Variants in UNC93B1 observed in about 807,000 individuals in gnomAD.
UNC93B1 encodes unc-93B1 regulator of TLR signaling.
A neutral mutation model predicts 56.8 loss-of-function variants in UNC93B1; 33 were observed. That is an observed-to-expected ratio of 0.58 (90% CI 0.44 to 0.78). The LOEUF is 0.78. Ranked by LOEUF, UNC93B1 falls within the 30% of genes least tolerant of loss-of-function variation. The pLI, the probability that UNC93B1 is intolerant of heterozygous loss-of-function variation, is 0.00. For synonymous variants in UNC93B1, 334 were observed against 358.6 expected (o/e 0.93, Z 0.77); for missense variants, 673 against 819.5 (o/e 0.82, Z 2.18).
chr11:67,992,089 C>T (rs1408039332), intron 10 of UNC93B1, among the ~76,000 whole-genome samples: 1 of 152,262 alleles, frequency 6.6e-6, no homozygotes, highest in East Asian at 1.9e-4. Flanking sequence ...CTCAGTGTCC[C>T]ACACTGTAAG....
rs748654915 is a variant in UNC93B1, at chr11:67,999,241, G to A, written c.619C>T (p.Arg207Trp). ...KEQDGQGMKQ[R>W]PPRGSHAPYL... ...GGCGCGTGGGAGCCCCGCGGAGGCCGCTGCTTCATCCCCTGCCCATCCTGC... is the reference window on the plus strand; with the variant it reads ...GGCGCGTGGGAGCCCCGCGGAGGCCACTGCTTCATCCCCTGCCCATCCTGC... Residue 207 changes from arginine to tryptophan, a missense_variant, in exon 5 of 11, where the codon CGG becomes TGG. This residue lies in a region of UNC93B1 where 438 missense variants were observed against 465.9 expected (regional missense o/e 0.94). Coordinates refer to ENST00000227471, the MANE Select transcript of UNC93B1 (RefSeq NM_030930.4). 3.7e-6 allele frequency: 6 copies of A among 1,613,798 alleles called. No individual in the cohort carries two copies. The highest frequency in any genetic ancestry group is 2.7e-5 in the African/African-American group (2 of 74,944).
In UNC93B1 at chr11:67,996,797, T is replaced by C; in HGVS notation, c.907-13A>G. On this transcript the variant is annotated splice_polypyrimidine_tract_variant and intron_variant, in intron 7 of 10. Coordinates refer to ENST00000227471, the MANE Select transcript of UNC93B1 (RefSeq NM_030930.4). ...ACAAACCCAGCACCTGCGAACCCAT[T>C]ACTTGAAGGGGCGGCCAGCCAGGCC... 1 of 1,529,260 alleles carries C rather than the reference T, an allele frequency of 6.5e-7. No individual in the cohort carries two copies. Among genetic ancestry groups the C allele is most frequent in the Admixed American group, 2.0e-5 (1 of 50,676 alleles). The allele number at this position is 1,529,260 out of a possible 1,614,324, so 94.7% of individuals were successfully genotyped here.
intron 3 of UNC93B1, among the ~76,000 whole-genome samples, chr11:68,001,898 C>A (rs922338692): frequency 2.0e-5 from 3 of 152,050 alleles, no homozygotes; most frequent in Admixed American, 2.0e-4. Flanking sequence ...AATCCCAGCA[C>A]TTTGGGAGGC....
At chr11:67,998,555 G>A in intron 5 of UNC93B1, 103 bp from the exon 6 acceptor site, 1 of 1,166,680 alleles carries the variant, frequency 8.6e-7, no homozygotes, top group East Asian at 2.4e-5. Context: ...GGGGGAACAG[G>A]GGCCTTCCCA....
intron 10 of UNC93B1, among the ~76,000 whole-genome samples, chr11:67,992,341 G>A (rs1024218473): frequency 1.3e-3 from 192 of 152,030 alleles, no homozygotes; most frequent in Admixed American, 5.4e-3. Context: ...TTCCAGACAC[G>A]GTCGCTCCGT....
In UNC93B1 at chr11:67,999,592, G is replaced by A. The variant is rs1265299699; in HGVS notation, c.481C>T (p.Leu161Phe). 1.2e-6 allele frequency: 2 copies of A among 1,602,140 alleles called. No homozygotes were observed. Among genetic ancestry groups the A allele is most frequent in the African/African-American group, 2.7e-5 (2 of 74,690 alleles). The change falls in exon 4 of 11, where the codon CTT (leucine) becomes TTT (phenylalanine). Residue 161 changes from leucine (L) to phenylalanine (F), a missense_variant. By Grantham distance (22) the Leu-to-Phe change is conservative. Around this residue, in one of 3 missense-constraint regions of UNC93B1, gnomAD observed 438 missense variants for 465.9 expected, o/e 0.94. Transcript: ENST00000227471. ...STNYWERYYT[L>F]VPSAVALGMA... is the part of the protein sequence containing the mutation. ...CCCAGGGCCACAGCCGAGGGCACAAGCGTGTAGTAGCGCTCCCAGTAGTTG... is the reference window on the plus strand; with the variant it reads ...CCCAGGGCCACAGCCGAGGGCACAAACGTGTAGTAGCGCTCCCAGTAGTTG...
Position 67,994,560 on chromosome 11 carries a change from C to A in UNC93B1, c.1364-766G>T, listed in dbSNP as rs375464685. Reference sequence around the variant, plus strand: ...AGTGCTGCTATGAAGAGACAAGGACCCCCCGGGGTTCACCGGAGGAGATGG... The same window carrying A: ...AGTGCTGCTATGAAGAGACAAGGACACCCCGGGGTTCACCGGAGGAGATGG... On this transcript the variant is annotated intron_variant, in intron 9 of 10. Coordinates refer to ENST00000227471, the MANE Select transcript of UNC93B1 (RefSeq NM_030930.4). 4.6e-5 allele frequency among the ~76,000 whole-genome samples: 7 copies of A among 152,222 alleles called. No individual in the cohort carries two copies. In the South Asian group the frequency reaches 1.5e-3, roughly 32 times the overall value.
chr11:67,991,645 C>T lies in UNC93B1; in HGVS notation c.1695G>A (p.Pro565=), dbSNP rs770189598. The change falls in exon 11 of 11, where the codon CCG becomes CCA. Residue 565 remains proline, a synonymous_variant. Transcript: ENST00000227471. ...EHGDGAEEEA[P]PAGPRPGPEP... ...CGGGGCCAGGCCTGGGCCCTGCGGG[C>T]GGCGCCTCCTCCTCCGCGCCGTCCC... is the stretch of plus-strand genomic sequence containing the variant. The T allele has an allele frequency of 3.3e-6, 5 of 1,522,634 alleles. No individual in the cohort carries two copies. Among genetic ancestry groups the T allele is most frequent in the South Asian group, 1.2e-5 (1 of 82,788 alleles). The allele number at this position is 1,522,634 out of a possible 1,614,324, so 94.3% of individuals were successfully genotyped here.
intron 6 of UNC93B1, among the ~76,000 whole-genome samples, 164 bp downstream of exon 6, chr11:67,998,195 G>A (rs1306649708): frequency 6.6e-6 from 1 of 152,218 alleles, no homozygotes; most frequent in African/African-American, 2.4e-5. Flanking sequence ...TCCTGGCTGG[G>A]TCAGATGTCC....
Position 68,003,558 on chromosome 11 carries a change from G to C in UNC93B1, c.238+99C>G. The C allele has an allele frequency of 2.1e-6, 3 of 1,436,916 alleles. No individual in the cohort carries two copies. The highest frequency in any genetic ancestry group is 2.4e-5 in the Admixed American group (1 of 41,352). The allele number at this position is 1,436,916 out of a possible 1,614,324, so 89.0% of individuals were successfully genotyped here. A position where few individuals can be genotyped will look rare whatever the true frequency, so the allele number is the denominator to read the frequency against. Reference sequence around the variant, plus strand: ...GCTGCAGCTGCGAGGGCAGCGGAGGGGAAGTGAGAGCGGGCGGGAGGCGGC... The same window carrying C: ...GCTGCAGCTGCGAGGGCAGCGGAGGCGAAGTGAGAGCGGGCGGGAGGCGGC... On this transcript the variant is annotated intron_variant, in intron 2 of 10. Coordinates refer to ENST00000227471, the MANE Select transcript of UNC93B1 (RefSeq NM_030930.4). The surrounding 1 kb of genome is among the most constrained non-coding windows in gnomAD (Gnocchi z 4.4).
rs767277764 is a variant in UNC93B1, at chr11:67,998,344, C to T, written c.781+15G>A. 6.2e-7 allele frequency: 1 copy of T among 1,613,800 alleles called. No individual in the cohort carries two copies. The highest frequency in any genetic ancestry group is 8.5e-7 in the Non-Finnish European group (1 of 1,179,820). ...GGCTTTGTGGACTCCTCCCCAACCC[C>T]CAACAAGGACTAACCGCAGCTCTGC... On this transcript the variant is annotated intron_variant, in intron 6 of 10. Transcript: ENST00000227471.
chr11:68,001,481 G>A (rs904010928), intron 3 of UNC93B1, among the ~76,000 whole-genome samples: 12 of 151,830 alleles, frequency 7.9e-5, no homozygotes, highest in South Asian at 4.2e-4. Flanking sequence ...ACTCCCCATC[G>A]CTACAAATAC....
chr11:67,996,348 C>T (rs1306796365), intron 8 of UNC93B1, among the ~76,000 whole-genome samples: 1 of 152,034 alleles, frequency 6.6e-6, no homozygotes, highest in Non-Finnish European at 1.5e-5. Context: ...CCCTAGACAC[C>T]GTGGGCTGTA....
chr11:67,999,830 G>A (rs1857016726), intron 3 of UNC93B1, 150 bp from the exon 4 acceptor site: 10 of 1,156,616 alleles, frequency 8.6e-6, no homozygotes, highest in Non-Finnish European at 1.2e-5. Context: ...CAGATACACA[G>A]ACTTGCTGAG....
At chr11:67,996,851 C>G in intron 7 of UNC93B1, 67 bp from the exon 8 acceptor site, 16 of 1,443,868 alleles carry the variant, frequency 1.1e-5, no homozygotes, top group Non-Finnish European at 1.5e-5. Context: ...TTCAGCCCCG[C>G]CCTTCAGATG....
chr11:67,998,509 C>A (rs757022301), intron 5 of UNC93B1, 57 bp from the exon 6 acceptor site: 182 of 1,568,582 alleles, frequency 1.2e-4, no homozygotes, highest in Non-Finnish European at 1.5e-4. Flanking sequence ...GCAAGGGACA[C>A]AGGCATGGTC....
chr11:67,999,396 G>T (rs1857006822), intron 4 of UNC93B1, 91 bp from the exon 5 acceptor site: 1 of 1,551,280 alleles, frequency 6.4e-7, no homozygotes, highest in Non-Finnish European at 8.7e-7. Flanking sequence ...ACCAGCCCCG[G>T]TGTGGGGAAA....
In UNC93B1 at chr11:68,003,053, C is replaced by T. The variant is rs909015658; in HGVS notation, c.361G>A (p.Ala121Thr). ...AGCACAGGTGTGTAGAGCAGGGCGG[C>T]GATGGGAGTCACGTTGATGCCCATC... Reference protein sequence around the residue: ...MLMGINVTPIAALLYTPVLIR... With the variant: ...MLMGINVTPITALLYTPVLIR... The change falls in exon 3 of 11, where the codon GCC becomes ACC. Residue 121 changes from alanine to threonine, a missense_variant. Physicochemically the swap from Ala to Thr is moderately conservative, Grantham distance 58. Coordinates refer to ENST00000227471, the MANE Select transcript of UNC93B1 (RefSeq NM_030930.4). The surrounding 1 kb of genome is among the most constrained non-coding windows in gnomAD (Gnocchi z 4.4). The T allele has an allele frequency of 2.5e-6, 4 of 1,612,326 alleles. No individual in the cohort carries two copies. The highest frequency in any genetic ancestry group is 1.3e-5 in the African/African-American group (1 of 74,726).
chr11:67,998,470 G>A lies in UNC93B1; in HGVS notation c.688-18C>T. 6.2e-7 allele frequency: 1 copy of A among 1,613,376 alleles called. No individual in the cohort carries two copies. The highest frequency in any genetic ancestry group is 8.5e-7 in the Non-Finnish European group (1 of 1,179,498). ...AAGCTCAGCTGCAGAAACAAGGGCA[G>A]TTGGGACCAGACTCAGGCACAGAGC... On this transcript the variant is annotated intron_variant, in intron 5 of 10. Coordinates refer to ENST00000227471, the MANE Select transcript of UNC93B1 (RefSeq NM_030930.4).
Sources: allele counts gnomAD v4.1 joint callset (sites outside exome capture counted in the v4.1 genomes callset), GRCh38; gene constraint gnomAD v4.1.1; regional missense constraint gnomAD v4.1.1; non-coding constraint Gnocchi (gnomAD v3.1); transcripts MANE v1.5; gene names NCBI Gene and HGNC (gene_info 2026-07-23, HGNC 2026-07-21).